Variants in TRPM7 observed in about 807,000 individuals in gnomAD.
TRPM7 encodes LTRPC ion channel family member 7.
In TRPM7, 134 loss-of-function variants were observed where a neutral mutation model predicts 229.7. That is an observed-to-expected ratio of 0.58 (90% confidence interval 0.51 to 0.67). The LOEUF (loss-of-function observed/expected upper bound fraction) is 0.67. Ranked by LOEUF, TRPM7 falls within the 30% of genes least tolerant of loss-of-function variation. TRPM7 has a pLI of 0.00. For synonymous variants in TRPM7, 699 were observed against 715.2 expected, an observed-to-expected ratio of 0.98 and a Z score of 0.36; for missense variants, 1,901 against 2,210.0, an observed-to-expected ratio of 0.86 and a Z score of 2.80.
At chr15:50,655,467 C>T (rs1487533573) in intron 3 of TRPM7, among the ~76,000 whole-genome samples, 2 of 149,280 alleles carry the variant, frequency 1.3e-5, no homozygotes, top group Non-Finnish European at 3.0e-5. Context: ...AAAAAACCTT[C>T]TCAATCAGGT....
chr15:50,580,644 T>G, intron 30 of TRPM7, among the ~76,000 whole-genome samples: 1 of 152,198 alleles, frequency 6.6e-6, no homozygotes, highest in East Asian at 1.9e-4. Context: ...AAGACCTTAG[T>G]AGAGTTGTAA....
chr15:50,666,096 GA>G (rs1012755939), intron 1 of TRPM7, among the ~76,000 whole-genome samples: 18 of 152,056 alleles, frequency 1.2e-4, no homozygotes, highest in African/African-American at 2.7e-4. Flanking sequence ...TAAAATTAAA[GA>G]AAAAAATCAG....
At position 50,643,444 on chromosome 15, in the gene TRPM7, T is replaced by C. The variant is rs2061164541; in HGVS notation, c.431A>G (p.Gln144Arg). ...GATTCGTGGGTGAAGCTCAAATTTC[T>C]GCATGCCCCCATGTACAGAGATAAC... Reference protein sequence around the residue: ...KLVISVHGGMQKFELHPRIKQ... With the variant: ...KLVISVHGGMRKFELHPRIKQ... The change falls in exon 5 of 39, where the codon CAG (glutamine) becomes CGG (arginine). Residue 144 changes from glutamine (Q) to arginine (R), a missense_variant. By Grantham distance (43) the Gln-to-Arg change is conservative. This residue lies in a region of TRPM7 where 794 missense variants were observed against 881.9 expected (regional missense o/e 0.90). Coordinates refer to ENST00000646667, the MANE Select transcript of TRPM7 (RefSeq NM_017672.6). 6.2e-7 allele frequency: 1 copy of C among 1,614,100 alleles called. No homozygotes were observed. Among genetic ancestry groups the C allele is most frequent in the Non-Finnish European group, 8.5e-7 (1 of 1,180,036 alleles).
At position 50,559,180 on chromosome 15, in the gene TRPM7, T is replaced by C. The variant is rs910015309; in HGVS notation, c.*2498A>G. ...AATTCTCCTGCCTCAGACTCCTGAG[T>C]AGCTGGGATTACAGGCACTCACCGC... On this transcript the variant is annotated 3_prime_UTR_variant, in exon 39 of 39. Coordinates refer to ENST00000646667, the MANE Select transcript of TRPM7 (RefSeq NM_017672.6). The C allele has an allele frequency of 6.6e-6, 1 of 152,218 alleles. No individual in the cohort carries two copies. Among genetic ancestry groups the C allele is most frequent in the African/African-American group, 2.4e-5 (1 of 41,326 alleles). The allele number at this position is 152,218 out of a possible 1,614,324, so 9.4% of individuals were successfully genotyped here.
At position 50,570,007 on chromosome 15, in the gene TRPM7, A is replaced by C; in HGVS notation, c.5361-14T>G. ...ATATCACAGGATCTGTAGAATTGGTAATTTTAAAAAAAACAACAAAAAAAA... is the reference window on the plus strand; with the variant it reads ...ATATCACAGGATCTGTAGAATTGGTCATTTTAAAAAAAACAACAAAAAAAA... On this transcript the variant is annotated splice_polypyrimidine_tract_variant and intron_variant, in intron 37 of 38. Coordinates refer to ENST00000646667, the MANE Select transcript of TRPM7 (RefSeq NM_017672.6). The C allele has an allele frequency of 6.3e-7, 1 of 1,595,262 alleles. No individual in the cohort carries two copies. The highest frequency in any genetic ancestry group is 8.5e-7 in the Non-Finnish European group (1 of 1,171,664).
In TRPM7 at chr15:50,613,853, ATCT is replaced by A. The variant is rs1489898334; in HGVS notation, c.1636-15_1636-13del. 6.2e-7 allele frequency: 1 copy of A among 1,604,474 alleles called. No individual in the cohort carries two copies. The highest frequency in any genetic ancestry group is 1.1e-5 in the South Asian group (1 of 88,496). On this transcript the variant is annotated splice_polypyrimidine_tract_variant and intron_variant, in intron 14 of 38. Coordinates refer to ENST00000646667, the MANE Select transcript of TRPM7 (RefSeq NM_017672.6). ...TTTCGGCCAGACCTCTGAAAATGAG[ATCT>A]TATTAGCTTTTATAGATTTAAACGT...
intron 21 of TRPM7, among the ~76,000 whole-genome samples, chr15:50,600,125 A>G (rs748485867): frequency 2.6e-5 from 4 of 152,226 alleles, no homozygotes; most frequent in African/African-American, 7.2e-5. Flanking sequence ...CTTACTGTCT[A>G]GCCTAGACAA....
intron 1 of TRPM7, among the ~76,000 whole-genome samples, chr15:50,679,494 T>C (rs1416733016): frequency 8.4e-6 from 1 of 119,606 alleles, no homozygotes; most frequent in Non-Finnish European, 1.7e-5. Context: ...ATATATTATA[T>C]ATATGTGTAT....
At chr15:50,582,109 GT>G (rs1262949128) in intron 29 of TRPM7, among the ~76,000 whole-genome samples, 1 of 152,034 alleles carries the variant, frequency 6.6e-6, no homozygotes, top group African/African-American at 2.4e-5. Context: ...TTACAGGCAT[GT>G]GCCACCACAC....
chr15:50,631,237 C>T (rs568715685), intron 10 of TRPM7, among the ~76,000 whole-genome samples, 180 bp downstream of exon 10: 3 of 152,194 alleles, frequency 2.0e-5, no homozygotes, highest in East Asian at 1.9e-4. Context: ...GTTACCTTGC[C>T]GCCAAGGAAA....
Position 50,626,374 on chromosome 15 carries a change from T to C in TRPM7, c.1305+1775A>G, listed in dbSNP as rs117200546. On this transcript the variant is annotated intron_variant, in intron 11 of 38. Coordinates refer to ENST00000646667, the MANE Select transcript of TRPM7 (RefSeq NM_017672.6). Reference sequence around the variant, plus strand: ...CATTCTGTGTTTATAACCACTGCCCTAGAACAAAATCTTAATTTTCATATC... The same window carrying C: ...CATTCTGTGTTTATAACCACTGCCCCAGAACAAAATCTTAATTTTCATATC... 7.0e-3 allele frequency among the ~76,000 whole-genome samples: 1,072 copies of C among 152,176 alleles called. 16 individuals carry two copies. The highest frequency in any genetic ancestry group is 9.5e-3 in the Non-Finnish European group (644 of 67,978).
intron 29 of TRPM7, 89 bp downstream of exon 29, chr15:50,583,000 T>C (rs910652830): frequency 1.3e-5 from 13 of 969,398 alleles, no homozygotes; most frequent in Non-Finnish European, 1.9e-5. Flanking sequence ...ATTTTTGATA[T>C]AGTCCCAAAT....
intron 1 of TRPM7, among the ~76,000 whole-genome samples, chr15:50,672,149 G>A (rs2062003336): frequency 6.6e-6 from 1 of 152,022 alleles, no homozygotes; most frequent in African/African-American, 2.4e-5. Context: ...CATCTCCCGG[G>A]TTCACGCCAT....
intron 13 of TRPM7, among the ~76,000 whole-genome samples, chr15:50,618,109 T>C (rs1475448399): frequency 1.3e-5 from 2 of 152,152 alleles, no homozygotes; most frequent in African/African-American, 2.4e-5. Context: ...CAAAACTGTA[T>C]TGAATACCAA....
chr15:50,568,730 T>C (rs2141463877), intron 38 of TRPM7, among the ~76,000 whole-genome samples: 1 of 152,166 alleles, frequency 6.6e-6, no homozygotes, highest in Non-Finnish European at 1.5e-5. Context: ...ATCCTAGCAC[T>C]TTGGGAGGCT....
intron 27 of TRPM7, chr15:50,588,084 G>C (rs1302747776): frequency 4.1e-6 from 1 of 241,628 alleles, no homozygotes; most frequent in Non-Finnish European, 6.4e-6. Flanking sequence ...GCAAATTATA[G>C]TCTTATGATA....
chr15:50,671,107 T>C (rs9920018), intron 1 of TRPM7, among the ~76,000 whole-genome samples: 24,304 of 152,142 alleles, frequency 0.16, 2,077 homozygotes, highest in African/African-American at 0.22. Flanking sequence ...CAAAAATACA[T>C]TGTTATTTAG....
intron 34 of TRPM7, 53 bp downstream of exon 34, chr15:50,574,799 T>A: frequency 6.3e-7 from 1 of 1,589,658 alleles, no homozygotes; most frequent in Non-Finnish European, 8.6e-7. Flanking sequence ...TTTCAGAAGT[T>A]AAAATATAAA....
At chr15:50,602,361 C>T (rs1048049673) in intron 21 of TRPM7, among the ~76,000 whole-genome samples, 1 of 151,884 alleles carries the variant, frequency 6.6e-6, no homozygotes, top group African/African-American at 2.4e-5. Context: ...GGGTAGGGAA[C>T]ATCATACACC....
Sources: gnomAD v4.1 joint callset for allele counts (sites outside exome capture counted in the v4.1 genomes callset) on GRCh38, gnomAD v4.1.1 for gene constraint, gnomAD v4.1.1 regional missense constraint, MANE v1.5 for transcripts, NCBI Gene and HGNC (gene_info 2026-07-23, HGNC 2026-07-21) for gene names.